HMCN2: variants seen among roughly 807,000 people sequenced by gnomAD.
HMCN2 encodes the protein hemicentin 2.
Under a neutral mutation model 377.5 loss-of-function variants are expected in HMCN2, and 325 were observed. The observed-to-expected ratio is 0.86, with a 90% confidence interval of 0.79 to 0.94. HMCN2 has a LOEUF of 0.94. Ranked by LOEUF, HMCN2 falls within the 40% of genes least tolerant of loss-of-function variation. The pLI, the probability that HMCN2 is intolerant of heterozygous loss-of-function variation, is 0.00. For missense variants in HMCN2, 4,543 were observed against 4,725.3 expected, an observed-to-expected ratio of 0.96 and a Z score of 1.13; for synonymous variants, 2,007 against 2,046.8, an observed-to-expected ratio of 0.98 and a Z score of 0.53.
intron 52 of HMCN2, among the ~76,000 whole-genome samples, 179 bp from the exon 53 acceptor site, chr9:130,377,470 T>C (rs1453629828): frequency 3.3e-5 from 5 of 152,366 alleles, no homozygotes; most frequent in East Asian, 1.9e-4. Flanking sequence ...TTTTCACCCA[T>C]GTGTGGCCCT....
intron 22 of HMCN2, among the ~76,000 whole-genome samples, chr9:130,330,572 C>T (rs1300482491): frequency 1.3e-5 from 2 of 152,192 alleles, no homozygotes; most frequent in East Asian, 3.9e-4. Context: ...TCAGGTGGGC[C>T]ACTGCTCTCT....
At chr9:130,324,074 T>A (rs1837994267) in intron 19 of HMCN2, among the ~76,000 whole-genome samples, 1 of 152,220 alleles carries the variant, frequency 6.6e-6, no homozygotes, top group African/African-American at 2.4e-5. Context: ...TGTGCAGTGG[T>A]GTTGGTACAT....
chr9:130,274,805 G>C (rs536856274), intron 1 of HMCN2, among the ~76,000 whole-genome samples: 1 of 152,180 alleles, frequency 6.6e-6, no homozygotes, highest in Admixed American at 6.5e-5. Flanking sequence ...CTTCCTGTCA[G>C]GAAACAGAGA....
At chr9:130,296,513 C>T (rs1836159557) in intron 6 of HMCN2, among the ~76,000 whole-genome samples, 161 bp from the exon 7 acceptor site, 1 of 152,098 alleles carries the variant, frequency 6.6e-6, no homozygotes, top group Non-Finnish European at 1.5e-5. Flanking sequence ...TGGGGAGCAT[C>T]GTGCTGGGCC....
intron 25 of HMCN2, among the ~76,000 whole-genome samples, chr9:130,343,798 A>G (rs1308009185): frequency 6.6e-6 from 1 of 152,174 alleles, no homozygotes; most frequent in African/African-American, 2.4e-5. Flanking sequence ...CCTGGTCAGG[A>G]GGGCCTTGTT....
intron 44 of HMCN2, among the ~76,000 whole-genome samples, chr9:130,368,755 G>C (rs1336786984): frequency 1.3e-5 from 2 of 152,162 alleles, no homozygotes; most frequent in East Asian, 1.9e-4. Context: ...AGAGAGCCAG[G>C]GGGGAAGCAC....
intron 1 of HMCN2, among the ~76,000 whole-genome samples, chr9:130,270,308 CCT>C (rs1834352164): frequency 1.1e-4 from 5 of 46,246 alleles, no homozygotes; most frequent in African/African-American, 5.9e-4. Flanking sequence ...TTTTTTTTTC[CCT>C]ATCACAAAAC....
intron 27 of HMCN2, 66 bp from the exon 28 acceptor site, chr9:130,348,918 A>G: frequency 7.9e-7 from 1 of 1,270,134 alleles, no homozygotes; most frequent in Non-Finnish European, 1.0e-6. Context: ...CAGTTTCCTC[A>G]TTACTGATGC....
chr9:130,365,266 G>C (rs1039185295), intron 41 of HMCN2, among the ~76,000 whole-genome samples: 4 of 152,236 alleles, frequency 2.6e-5, no homozygotes, highest in African/African-American at 9.6e-5. Flanking sequence ...CACCCCACCA[G>C]CCTCATTCCT....
At chr9:130,389,699 C>G (rs536923664) in intron 62 of HMCN2, among the ~76,000 whole-genome samples, 3 of 151,970 alleles carry the variant, frequency 2.0e-5, no homozygotes, top group Non-Finnish European at 4.4e-5. Flanking sequence ...CTCAGCCTCC[C>G]GAGTAGCTGG....
chr9:130,287,719 C>T (rs1835496396), intron 4 of HMCN2, among the ~76,000 whole-genome samples: 1 of 152,164 alleles, frequency 6.6e-6, no homozygotes, highest in African/African-American at 2.4e-5. Flanking sequence ...CCACAGCCTT[C>T]CCAGCACTTT....
chr9:130,302,800 C>T, intron 8 of HMCN2, 57 bp from the exon 9 acceptor site: 1 of 398,638 alleles, frequency 2.5e-6, no homozygotes, highest in Non-Finnish European at 5.2e-6. Context: ...CTCTGTGTCA[C>T]TGGGTGTGGC....
At chr9:130,406,675 C>A (rs1484819065) in intron 82 of HMCN2, 1 of 161,672 alleles carries the variant, frequency 6.2e-6, no homozygotes, top group Admixed American at 5.9e-5. Context: ...AACTCTGAGT[C>A]CCCAGGTGTG....
chr9:130,410,674 G>A, intron 85 of HMCN2, 22 bp downstream of exon 85: 1 of 1,547,900 alleles, frequency 6.5e-7, no homozygotes, highest in Non-Finnish European at 8.7e-7. Context: ...CCTCAGCAGA[G>A]TGGGGACGTG....
Position 130,431,373 on chromosome 9 carries a change from ACGAGTGCCG to A in HMCN2, c.14657_14665del (p.Glu4886_Arg4888del). The A allele has an allele frequency of 1.3e-6, 2 of 1,547,706 alleles. No individual in the cohort carries two copies. Among genetic ancestry groups the A allele is most frequent in the Non-Finnish European group, 1.7e-6 (2 of 1,144,898 alleles). On this transcript the variant is annotated inframe_deletion, in exon 96 of 98. Coordinates refer to ENST00000683500, the MANE Select transcript of HMCN2 (RefSeq NM_001291815.2). ...ACCCCCATGCCCGGGCCAGACCTTG[ACGAGTGCCG>A]CGTGAGGAACCTGTGTCAGCACGCC...
In HMCN2 at chr9:130,395,946, C is replaced by A; in HGVS notation, c.10934C>A (p.Pro3645Gln). ...VLQEDAHTQFPERGRFLQLQA... is the reference protein window; with the variant it reads ...VLQEDAHTQFQERGRFLQLQA... ...CAGGAGGACGCCCACACACAATTCC[C>A]GGAGCGGGGCAGGTTCCTCCAGCTG... The change falls in exon 72 of 98, where the codon CCG becomes CAG. Residue 3645 changes from proline (P) to glutamine (Q), a missense_variant. By Grantham distance (76) the Pro-to-Gln change is moderately conservative. Coordinates refer to ENST00000683500, the MANE Select transcript of HMCN2 (RefSeq NM_001291815.2). 7.8e-7 allele frequency: 1 copy of A among 1,287,412 alleles called. No individual in the cohort carries two copies. Among genetic ancestry groups the A allele is most frequent in the Non-Finnish European group, 1.0e-6 (1 of 988,632 alleles). The allele number at this position is 1,287,412 out of a possible 1,614,324, so 79.7% of individuals were successfully genotyped here. A position where few individuals can be genotyped will look rare whatever the true frequency, so the allele number is the denominator to read the frequency against.
intron 85 of HMCN2, among the ~76,000 whole-genome samples, chr9:130,416,537 T>G (rs1843708754): frequency 6.6e-6 from 1 of 152,250 alleles, no homozygotes; most frequent in Non-Finnish European, 1.5e-5. Context: ...CTGTGTGTTT[T>G]TCTGCTACAT....
At chr9:130,332,976 C>G (rs36169642) in intron 22 of HMCN2, among the ~76,000 whole-genome samples, 6 of 148,950 alleles carry the variant, frequency 4.0e-5, no homozygotes, top group Admixed American at 6.7e-5. Context: ...TGGGAGACAG[C>G]GGGGGTCTGG....
chr9:130,413,738 C>CAT (rs1564871944), intron 85 of HMCN2, among the ~76,000 whole-genome samples: 4 of 152,116 alleles, frequency 2.6e-5, no homozygotes, highest in Non-Finnish European at 5.9e-5. Flanking sequence ...CGCATGTGCA[C>CAT]GTGCGCACAC....
Sources: gnomAD v4.1 joint callset for allele counts (sites outside exome capture counted in the v4.1 genomes callset) on GRCh38, gnomAD v4.1.1 for gene constraint, MANE v1.5 for transcripts, NCBI Gene and HGNC (gene_info 2026-07-23, HGNC 2026-07-21) for gene names.